Variants in EYS observed in about 807,000 individuals in gnomAD.
EYS encodes protein eyes shut homolog.
Under a neutral mutation model 282.1 loss-of-function variants are expected in EYS, and 250 were observed. The ratio of observed to expected loss-of-function variants is 0.89; its 90% CI spans 0.80 to 0.98. The LOEUF is 0.98. Ranked by LOEUF, EYS falls within the 50% of genes least tolerant of loss-of-function variation. The pLI is 0.00. For missense variants in EYS, 4,016 were observed against 3,709.0 expected (o/e 1.08, Z -2.15); for synonymous variants, 1,355 against 1,282.9 (o/e 1.06, Z -1.20).
chr6:64,756,526 G>A (rs1423261193), intron 22 of EYS, among the ~76,000 whole-genome samples: 4 of 152,092 alleles, frequency 2.6e-5, no homozygotes, highest in Non-Finnish European at 5.9e-5. Flanking sequence ...GATTTATCAA[G>A]CACATTTATG....
rs118150295 is a variant in EYS at position 64,823,174 on chromosome 6, G to A, written c.2993-352C>T. Among the ~76,000 whole-genome samples the A allele has an allele frequency of 1.1e-3, 162 of 151,826 alleles. 3 individuals carry two copies. In the East Asian group the frequency reaches 0.026, roughly 24 times the overall value. On this transcript the variant is annotated intron_variant, in intron 19 of 42. Transcript: ENST00000503581. ...TTGTAATGGTCTTTGAGAGTCAAAC[G>A]TTTATTACCTACAAGAATTAAGAAT... is the stretch of plus-strand genomic sequence containing the variant.
chr6:65,092,261 A>G (rs1193534119), intron 12 of EYS, among the ~76,000 whole-genome samples: 1 of 152,198 alleles, frequency 6.6e-6, no homozygotes, highest in Non-Finnish European at 1.5e-5. Context: ...AAAGTTGCAA[A>G]GATTCATACT....
chr6:65,622,132 C>T (rs1394652082), intron 2 of EYS, among the ~76,000 whole-genome samples: 2 of 152,172 alleles, frequency 1.3e-5, no homozygotes, highest in African/African-American at 2.4e-5. Flanking sequence ...GAGACAGAAT[C>T]GTTTGTCCTT....
At chr6:64,309,310 G>T (rs545264796) in intron 29 of EYS, among the ~76,000 whole-genome samples, 3 of 152,226 alleles carry the variant, frequency 2.0e-5, no homozygotes, top group Middle Eastern at 3.4e-3. Flanking sequence ...ACTCTATTGA[G>T]ATACTTCTCA....
At chr6:65,056,223 G>T (rs1013871914) in intron 13 of EYS, among the ~76,000 whole-genome samples, 5 of 151,744 alleles carry the variant, frequency 3.3e-5, no homozygotes, top group African/African-American at 9.7e-5. Flanking sequence ...TCAGACTTTT[G>T]TGTTTAAGTA....
intron 35 of EYS, among the ~76,000 whole-genome samples, chr6:63,893,026 A>T (rs1050573501): frequency 6.6e-6 from 1 of 152,234 alleles, no homozygotes; most frequent in Non-Finnish European, 1.5e-5. Flanking sequence ...AACCACAATG[A>T]GATACCACCT....
chr6:63,761,428 C>T (rs967154851), intron 41 of EYS, among the ~76,000 whole-genome samples: 1 of 152,010 alleles, frequency 6.6e-6, no homozygotes, highest in African/African-American at 2.4e-5. Flanking sequence ...TATTCTAACC[C>T]TCAAATGTCT....
At chr6:64,961,774 C>A (rs1769929312) in intron 14 of EYS, among the ~76,000 whole-genome samples, 1 of 152,044 alleles carries the variant, frequency 6.6e-6, no homozygotes, top group African/African-American at 2.4e-5. Flanking sequence ...TGCAATTCAG[C>A]TTCTGTTTTG....
intron 5 of EYS, among the ~76,000 whole-genome samples, chr6:65,463,437 C>T (rs770649880): frequency 2.0e-4 from 30 of 152,086 alleles, no homozygotes; most frequent in Non-Finnish European, 2.2e-4. Context: ...CTGATTTTCT[C>T]ATATTGTTTT....
At chr6:65,376,744 G>C (rs151098995) in intron 8 of EYS, among the ~76,000 whole-genome samples, 1 of 151,992 alleles carries the variant, frequency 6.6e-6, no homozygotes, top group South Asian at 2.1e-4. Flanking sequence ...TAAAACAGAC[G>C]TTAAACCAAG....
chr6:64,877,657 C>T (rs1766790380), intron 19 of EYS, among the ~76,000 whole-genome samples: 1 of 152,052 alleles, frequency 6.6e-6, no homozygotes, highest in Admixed American at 6.6e-5. Context: ...TAGTGACCTC[C>T]AACAAGAAGA....
intron 22 of EYS, among the ~76,000 whole-genome samples, chr6:64,801,585 A>G (rs941327348): frequency 1.3e-5 from 2 of 152,146 alleles, no homozygotes; most frequent in African/African-American, 4.8e-5. Flanking sequence ...TTTGTTGATG[A>G]ATTGAACATT....
intron 19 of EYS, among the ~76,000 whole-genome samples, chr6:64,884,162 A>G (rs1036773226): frequency 4.6e-5 from 7 of 151,620 alleles, no homozygotes; most frequent in Non-Finnish European, 7.4e-5. Flanking sequence ...TGAAAAATTT[A>G]TATCCTTAAT....
intron 41 of EYS, among the ~76,000 whole-genome samples, chr6:63,742,159 C>T (rs1413852629): frequency 6.6e-6 from 1 of 152,120 alleles, no homozygotes; most frequent in Admixed American, 6.6e-5. Context: ...TTTATGAATC[C>T]AAATCAGCTT....
At chr6:65,117,304 G>C (rs1328129267) in intron 12 of EYS, among the ~76,000 whole-genome samples, 1 of 152,146 alleles carries the variant, frequency 6.6e-6, no homozygotes, top group Non-Finnish European at 1.5e-5. Flanking sequence ...ACCTTCTAAA[G>C]CTATTTATGT....
At chr6:65,686,843 C>T (rs955697076) in intron 1 of EYS, among the ~76,000 whole-genome samples, 3 of 151,640 alleles carry the variant, frequency 2.0e-5, no homozygotes, top group African/African-American at 7.3e-5. Context: ...GGTATTGACA[C>T]TGGTAAAAGT....
At chr6:65,627,469 C>T (rs1766749243) in intron 2 of EYS, among the ~76,000 whole-genome samples, 1 of 152,112 alleles carries the variant, frequency 6.6e-6, no homozygotes, top group Admixed American at 6.5e-5. Context: ...TGTGGGAGCC[C>T]CTTTCTGGGC....
chr6:63,771,793 A>T (rs776005844), intron 40 of EYS, among the ~76,000 whole-genome samples: 48 of 151,924 alleles, frequency 3.2e-4, no homozygotes, highest in Non-Finnish European at 6.3e-4. Flanking sequence ...GAAACAAAAA[A>T]TGTGAGCTTA....
chr6:64,651,973 T>C lies in EYS; in HGVS notation c.3444-25728A>G, dbSNP rs755907780. ...TTCTGTTAATTGGCATACACTGGCA[T>C]ACAGGCACTCCAAGTGTACTGGTGG... On this transcript the variant is annotated intron_variant, in intron 22 of 42. Transcript: ENST00000503581. 2.0e-5 allele frequency among the ~76,000 whole-genome samples: 3 copies of C among 152,220 alleles called. 1 individual carries two copies. The highest frequency in any genetic ancestry group is 4.4e-5 in the Non-Finnish European group (3 of 68,036).
Sources: gnomAD v4.1 joint callset for allele counts (sites outside exome capture counted in the v4.1 genomes callset) on GRCh38, gnomAD v4.1.1 for gene constraint, MANE v1.5 for transcripts, NCBI Gene and HGNC (gene_info 2026-07-23, HGNC 2026-07-21) for gene names.